APBA2: variants seen among roughly 807,000 people sequenced by gnomAD.
APBA2 encodes the protein amyloid-beta A4 precursor protein-binding family A member 2.
In APBA2, 30 loss-of-function variants were observed where a neutral mutation model predicts 75.0. That is an observed-to-expected ratio of 0.40 (90% CI 0.30 to 0.54). APBA2 has a LOEUF of 0.54. APBA2 is among the 20% of genes least tolerant of loss of function. The probability of loss-of-function intolerance (pLI) is 0.49; values close to 1 mark genes in which losing one functional copy is unlikely to be tolerated. For missense variants in APBA2, 801 were observed against 1,016.1 expected (o/e 0.79, Z 2.88); for synonymous variants, 444 against 409.6 (o/e 1.08, Z -1.01).
intron 10 of APBA2, chr15:29,102,901 G>A (rs920306373): frequency 3.3e-5 from 5 of 152,230 alleles, no homozygotes; most frequent in African/African-American, 9.6e-5. Context: ...CATGGAAACT[G>A]AAGACAGGGT....
intron 2 of APBA2, among the ~76,000 whole-genome samples, chr15:28,948,493 G>T (rs2152717834): frequency 6.6e-6 from 1 of 152,276 alleles, no homozygotes; most frequent in South Asian, 2.1e-4. Context: ...TCAGAGTTTG[G>T]TAGGTGATGG....
Position 29,101,585 on chromosome 15 carries a change from C to A in APBA2, c.1339-14C>A. 6.2e-7 allele frequency: 1 copy of A among 1,611,450 alleles called. No individual in the cohort carries two copies. ...GTAGTGTTCCCTGACGTGGCACTGT[C>A]TCCCTCCCGACAGGAAACCATGATG... On this transcript the variant is annotated splice_polypyrimidine_tract_variant and intron_variant, in intron 9 of 14. Coordinates refer to ENST00000683413, the MANE Select transcript of APBA2 (RefSeq NM_001353788.2).
At position 29,054,522 on chromosome 15, in the gene APBA2, G is replaced by T. The variant is rs1373840539; in HGVS notation, c.638G>T (p.Arg213Met). ...ACCGGCGCCTCCCCCTACCGCCTGA[G>T]GCGTGGGGATGGGGACCTGGAGGAC... ...GNTGASPYRL[R>M]RGDGDLEDQE... Residue 213 changes from arginine to methionine, a missense_variant, in exon 4 of 15, where the codon AGG (arginine) becomes ATG (methionine). Physicochemically the swap from Arg to Met is moderately conservative, Grantham distance 91. Around this residue, in one of 2 missense-constraint regions of APBA2, gnomAD observed 434 missense variants for 471.6 expected, o/e 0.92. Transcript: ENST00000683413. The surrounding 1 kb of genome is among the most constrained non-coding windows in gnomAD (Gnocchi z 6.1). 6.2e-7 allele frequency: 1 copy of T among 1,613,434 alleles called. No homozygotes were observed. The highest frequency in any genetic ancestry group is 1.7e-5 in the Admixed American group (1 of 59,862).
chr15:28,938,014 C>T (rs1372865313), intron 2 of APBA2, among the ~76,000 whole-genome samples: 1 of 152,188 alleles, frequency 6.6e-6, no homozygotes, highest in African/African-American at 2.4e-5. Flanking sequence ...TCTTTAGCTC[C>T]AGCCAGTCCT....
At chr15:29,110,379 G>C (rs1449114085) in intron 13 of APBA2, among the ~76,000 whole-genome samples, 1 of 152,190 alleles carries the variant, frequency 6.6e-6, no homozygotes, top group Non-Finnish European at 1.5e-5. Flanking sequence ...GTGGCACTGG[G>C]GAGCTGCTTG....
At chr15:28,971,146 C>T (rs1266920263) in intron 2 of APBA2, among the ~76,000 whole-genome samples, 2 of 152,072 alleles carry the variant, frequency 1.3e-5, no homozygotes, top group South Asian at 2.1e-4. Context: ...TTTATAAGAA[C>T]GCTGTGCTTT....
rs2045299647 is a variant in APBA2, at chr15:29,117,833, C to T, written c.*700C>T. The T allele has an allele frequency of 6.6e-6, 1 of 152,190 alleles. No homozygotes were observed. Among genetic ancestry groups the T allele is most frequent in the South Asian group, 2.1e-4 (1 of 4,818 alleles). 9.4% of individuals were successfully genotyped at this position (152,190 alleles called of 1,614,324 possible). On this transcript the variant is annotated 3_prime_UTR_variant, in exon 15 of 15. Coordinates refer to ENST00000683413, the MANE Select transcript of APBA2 (RefSeq NM_001353788.2). ...TGACCACACCTGCCTCTCCCGTCGTCTCTTCTGGGCACCCTCCCACCCGGC... is the reference window on the plus strand; with the variant it reads ...TGACCACACCTGCCTCTCCCGTCGTTTCTTCTGGGCACCCTCCCACCCGGC...
At chr15:29,076,141 A>C in intron 6 of APBA2, 50 bp downstream of exon 6, 1 of 1,585,760 alleles carries the variant, frequency 6.3e-7, no homozygotes, top group Non-Finnish European at 8.7e-7. Context: ...ATTTTACATC[A>C]AAATAAATGG....
chr15:29,081,018 G>T (rs2043061592), intron 6 of APBA2, among the ~76,000 whole-genome samples: 1 of 152,136 alleles, frequency 6.6e-6, no homozygotes, highest in South Asian at 2.1e-4. Context: ...AACTTGCCCA[G>T]CTCCGTGTGG....
chr15:28,905,392 A>G (rs2033083103), intron 1 of APBA2, among the ~76,000 whole-genome samples: 1 of 152,204 alleles, frequency 6.6e-6, no homozygotes, highest in Non-Finnish European at 1.5e-5. Context: ...CGTGGAAGCA[A>G]ATTCCTTGGG....
At chr15:28,931,092 TC>T (rs1264766741) in intron 2 of APBA2, among the ~76,000 whole-genome samples, 1 of 152,152 alleles carries the variant, frequency 6.6e-6, no homozygotes, top group Non-Finnish European at 1.5e-5. Context: ...TGAAGCCACC[TC>T]CCCAGCCCCC....
intron 9 of APBA2, among the ~76,000 whole-genome samples, chr15:29,098,993 C>T (rs966881777): frequency 1.3e-5 from 2 of 152,182 alleles, no homozygotes; most frequent in Non-Finnish European, 2.9e-5. Context: ...CTTCCTCATC[C>T]CATGTCTGTC....
At chr15:28,900,435 G>C (rs1291504887) in intron 1 of APBA2, among the ~76,000 whole-genome samples, 2 of 152,184 alleles carry the variant, frequency 1.3e-5, no homozygotes, top group African/African-American at 4.8e-5. Flanking sequence ...ACTCACTCAG[G>C]TCACTTTATG....
intron 2 of APBA2, among the ~76,000 whole-genome samples, chr15:28,994,002 G>A (rs910070198): frequency 6.6e-6 from 1 of 152,218 alleles, no homozygotes; most frequent in Non-Finnish European, 1.5e-5. Flanking sequence ...ACAGAGTGAG[G>A]AACTGAGGCC....
chr15:29,035,794 A>G (rs955697663), intron 3 of APBA2, among the ~76,000 whole-genome samples: 23 of 152,260 alleles, frequency 1.5e-4, no homozygotes, highest in African/African-American at 5.5e-4. Context: ...CTGAGCCAGA[A>G]GCTCTAGGGC....
At chr15:28,977,792 C>G (rs964831732) in intron 2 of APBA2, among the ~76,000 whole-genome samples, 1 of 152,156 alleles carries the variant, frequency 6.6e-6, no homozygotes, top group African/African-American at 2.4e-5. Context: ...TTGCCTAGTA[C>G]AGAAATGCTG....
intron 9 of APBA2, among the ~76,000 whole-genome samples, 177 bp downstream of exon 9, chr15:29,098,753 C>T (rs954162025): frequency 1.3e-5 from 2 of 152,198 alleles, no homozygotes; most frequent in Admixed American, 6.5e-5. Flanking sequence ...AGGTAGCAGT[C>T]GTGCTGGCGT....
intron 3 of APBA2, among the ~76,000 whole-genome samples, chr15:29,052,148 A>G (rs2041623628): frequency 1.3e-5 from 2 of 152,130 alleles, no homozygotes; most frequent in African/African-American, 4.8e-5. Context: ...CATTTGGGGA[A>G]GCAATTAGCT....
At chr15:28,925,532 A>G (rs1030057470) in intron 2 of APBA2, among the ~76,000 whole-genome samples, 5 of 152,186 alleles carry the variant, frequency 3.3e-5, no homozygotes, top group Admixed American at 3.3e-4. Flanking sequence ...GTAGTCTGAG[A>G]ACATATTTTT....
Sources: gnomAD v4.1 joint callset for allele counts (sites outside exome capture counted in the v4.1 genomes callset) on GRCh38, gnomAD v4.1.1 for gene constraint, gnomAD v4.1.1 regional missense constraint, Gnocchi (gnomAD v3.1) non-coding constraint, MANE v1.5 for transcripts, NCBI Gene and HGNC (gene_info 2026-07-23, HGNC 2026-07-21) for gene names.